PHLDB3: variants seen among roughly 807,000 people sequenced by gnomAD.
PHLDB3 encodes the protein pleckstrin homology-like domain family B member 3.
PHLDB3 carries 86 observed loss-of-function variants against 85.7 expected under a neutral mutation model. The ratio of observed to expected loss-of-function variants is 1.00; its 90% CI spans 0.84 to 1.20. PHLDB3 has a LOEUF of 1.20. PHLDB3 is among the 50% of genes most tolerant of loss of function. The pLI, the probability that PHLDB3 is intolerant of heterozygous loss-of-function variation, is 0.00. For synonymous variants in PHLDB3, 376 were observed against 349.8 expected (o/e 1.07, Z -0.83); for missense variants, 995 against 873.0 (o/e 1.14, Z -1.76).
chr19:43,501,481 G>A lies in PHLDB3; in HGVS notation c.534+253C>T, dbSNP rs1490085523. On this transcript the variant is annotated intron_variant, in intron 4 of 15. Coordinates refer to ENST00000292140, the MANE Select transcript of PHLDB3 (RefSeq NM_198850.4). The stretch of plus-strand genomic sequence containing the variant: ...ATTACAGGCGTGAGCCACTGCTTCC[G>A]GCCAGTTTGGAAGTTTTTACACACC... 7 of 644,968 alleles carry A rather than the reference G, an allele frequency of 1.1e-5. No individual in the cohort carries two copies. In the South Asian group the frequency reaches 1.2e-4, roughly 11 times the overall value. The allele number at this position is 644,968 out of a possible 1,614,324, so 40.0% of individuals were successfully genotyped here. A position where few individuals can be genotyped will look rare whatever the true frequency, so the allele number is the denominator to read the frequency against.
chr19:43,482,873 A>G (rs1325310521), intron 13 of PHLDB3, among the ~76,000 whole-genome samples: 1 of 152,134 alleles, frequency 6.6e-6, no homozygotes, highest in Non-Finnish European at 1.5e-5. Flanking sequence ...GCTTATGCCT[A>G]ACAATGCAGA....
chr19:43,482,410 A>C (rs1224227360), intron 13 of PHLDB3, among the ~76,000 whole-genome samples: 6 of 152,150 alleles, frequency 3.9e-5, no homozygotes, highest in Non-Finnish European at 8.8e-5. Flanking sequence ...CCAGGGACAC[A>C]CTTGCTCACG....
chr19:43,490,492 G>A lies in PHLDB3; in HGVS notation c.1150-3369C>T, dbSNP rs899208333. 2.6e-5 allele frequency among the ~76,000 whole-genome samples: 4 copies of A among 152,094 alleles called. No individual in the cohort carries two copies. The South Asian group carries it at 6.2e-4, about 24-fold the overall frequency. Reference sequence around the variant, plus strand: ...CGCTTGAGTCTGGGAGGTAGAGGCTGCAGTGAGCCAAGATCGCACCATTAC... The same window carrying A: ...CGCTTGAGTCTGGGAGGTAGAGGCTACAGTGAGCCAAGATCGCACCATTAC... On this transcript the variant is annotated intron_variant, in intron 9 of 15. Transcript: ENST00000292140.
rs1018090383 is a variant in PHLDB3 at position 43,504,580 on chromosome 19, C to A, written c.-15+9G>T. On this transcript the variant is annotated intron_variant, in intron 1 of 15. Coordinates refer to ENST00000292140, the MANE Select transcript of PHLDB3 (RefSeq NM_198850.4). Reference sequence around the variant, plus strand: ...ACTGTGCAGGGCAACCGTGCCCACGCCGCCTCACCCAGGGATCCAGGAGTC... The same window carrying A: ...ACTGTGCAGGGCAACCGTGCCCACGACGCCTCACCCAGGGATCCAGGAGTC... 4 of 162,890 alleles carry A rather than the reference C, an allele frequency of 2.5e-5. No homozygotes were observed. The Admixed American group carries it at 2.6e-4, about 10-fold the overall frequency. The allele number at this position is 162,890 out of a possible 1,614,324, so 10.1% of individuals were successfully genotyped here.
At chr19:43,487,553 C>T (rs1351237089) in intron 9 of PHLDB3, among the ~76,000 whole-genome samples, 1 of 87,382 alleles carries the variant, frequency 1.1e-5, no homozygotes, top group Admixed American at 1.3e-4. Context: ...CCAGCCTGGG[C>T]GACAGAGCAA....
intron 9 of PHLDB3, among the ~76,000 whole-genome samples, chr19:43,494,157 G>A (rs1971385489): frequency 6.6e-6 from 1 of 152,030 alleles, no homozygotes; most frequent in Non-Finnish European, 1.5e-5. Flanking sequence ...CCTCAGCCCT[G>A]CATCACCATG....
chr19:43,480,186 G>C (rs1971013954), intron 13 of PHLDB3, among the ~76,000 whole-genome samples: 1 of 149,488 alleles, frequency 6.7e-6, no homozygotes, highest in Admixed American at 6.8e-5. Context: ...CAGCTACTCA[G>C]GAGGCTGCGG....
At chr19:43,498,422 AG>A in intron 4 of PHLDB3, among the ~76,000 whole-genome samples, 1 of 150,952 alleles carries the variant, frequency 6.6e-6, no homozygotes. Flanking sequence ...GAAAGAAAAG[AG>A]GGAGGGAGGG....
In PHLDB3 at chr19:43,494,698, G is replaced by T. The variant is rs1295241361; in HGVS notation, c.1149+4C>A. ...TGGGGAAACAGAGGCCGTGGGGGAG[G>T]CACCTGCAGGGAGCTGTGGACAGAA... On this transcript the variant is annotated splice_donor_region_variant and intron_variant, in intron 9 of 15. Transcript: ENST00000292140. 1 of 1,603,712 alleles carries T rather than the reference G, an allele frequency of 6.2e-7. No homozygotes were observed. Among genetic ancestry groups the T allele is most frequent in the Non-Finnish European group, 8.5e-7 (1 of 1,172,856 alleles).
rs1399387425 is a variant in PHLDB3 at position 43,497,772 on chromosome 19, C to T, written c.639G>A (p.Glu213=). 6.4e-7 allele frequency: 1 copy of T among 1,553,052 alleles called. No homozygotes were observed. Among genetic ancestry groups the T allele is most frequent in the Non-Finnish European group, 8.7e-7 (1 of 1,147,778 alleles). The stretch of plus-strand genomic sequence containing the variant: ...CCTCCTGCACACCCTGCAGAAGCCG[C>T]TCGCGTTGGTCCTCTGGCTGTGAGT... The part of the protein sequence containing the change: ...QLDSQPEDQR[E]RLLQGVQEMR... The change falls in exon 5 of 16, where the codon GAG becomes GAA. Residue 213 remains glutamate, a synonymous_variant. Coordinates refer to ENST00000292140, the MANE Select transcript of PHLDB3 (RefSeq NM_198850.4).
chr19:43,494,416 G>C (rs1267461523), intron 9 of PHLDB3, among the ~76,000 whole-genome samples: 1 of 151,816 alleles, frequency 6.6e-6, no homozygotes, highest in Non-Finnish European at 1.5e-5. Context: ...GAGAAGGGGA[G>C]ACCTTATTAA....
chr19:43,487,618 CG>C (rs1488341238), intron 9 of PHLDB3, among the ~76,000 whole-genome samples: 1 of 132,590 alleles, frequency 7.5e-6, no homozygotes, highest in Non-Finnish European at 1.7e-5. Context: ...AAGAAATGTC[CG>C]GAACAGGCAA....
chr19:43,497,452 C>T lies in PHLDB3; in HGVS notation c.664-173G>A, dbSNP rs551451579. Among the ~76,000 whole-genome samples the T allele has an allele frequency of 5.9e-5, 9 of 152,216 alleles. No homozygotes were observed. In the East Asian group the frequency reaches 1.2e-3, roughly 20 times the overall value. On this transcript the variant is annotated intron_variant, in intron 5 of 15. Transcript: ENST00000292140. ...AGGGCCAGCTGGGCACAGTGGCTCA[C>T]GCCTGTAATCCCAGCACTTTGGGAG...
chr19:43,491,050 C>T (rs955761324), intron 9 of PHLDB3, among the ~76,000 whole-genome samples: 4 of 152,206 alleles, frequency 2.6e-5, no homozygotes, highest in South Asian at 4.1e-4. Flanking sequence ...GTACAGGGTG[C>T]ACCTGGGCTT....
chr19:43,481,338 G>A (rs2122473998), intron 13 of PHLDB3, among the ~76,000 whole-genome samples: 1 of 152,258 alleles, frequency 6.6e-6, no homozygotes, highest in Admixed American at 6.5e-5. Context: ...CAAAAATTAG[G>A]CTGGGCGTGG....
chr19:43,502,216 A>C lies in PHLDB3; in HGVS notation c.281T>G (p.Val94Gly), dbSNP rs1599964477. Residue 94 changes from valine to glycine, a missense_variant, in exon 3 of 16, where the codon GTG becomes GGG. Transcript: ENST00000292140. ...TTGCAGGCGCCGCGCCGCCCCTCGCACCCCTTCCCGCGAAGAGGTGGATGC... is the reference window on the plus strand; with the variant it reads ...TTGCAGGCGCCGCGCCGCCCCTCGCCCCCCTTCCCGCGAAGAGGTGGATGC... ...PPASTSSREG[V>G]RGAARRLQGQ... 6.4e-7 allele frequency: 1 copy of C among 1,564,484 alleles called. No individual in the cohort carries two copies. The highest frequency in any genetic ancestry group is 8.7e-7 in the Non-Finnish European group (1 of 1,155,526).
chr19:43,486,817 G>A lies in PHLDB3; in HGVS notation c.1303C>T (p.Pro435Ser). The change falls in exon 11 of 16, where the codon CCC (proline) becomes TCC (serine). Residue 435 changes from proline to serine, a missense_variant. By Grantham distance (74) the Pro-to-Ser change is moderately conservative. Transcript: ENST00000292140. ...PPAVGDSGRY[P>S]LYQLLNCGRG... ...CCACAGTTCAGCAGCTGGTAGAGGG[G>A]GTATCTGCCGGAGTCCCCCACTGCT... The A allele has an allele frequency of 6.3e-7, 1 of 1,589,634 alleles. No homozygotes were observed. The highest frequency in any genetic ancestry group is 1.1e-5 in the South Asian group (1 of 86,960).
At chr19:43,496,155 AC>A (rs2145936976) in intron 6 of PHLDB3, 1 of 153,370 alleles carries the variant, frequency 6.5e-6, no homozygotes, top group African/African-American at 2.4e-5. Flanking sequence ...AGCTGGGATT[AC>A]AGGCATGCGT....
intron 13 of PHLDB3, among the ~76,000 whole-genome samples, chr19:43,485,559 ATTT>A (rs754136421): frequency 7.5e-6 from 1 of 132,588 alleles, no homozygotes; most frequent in African/African-American, 2.8e-5. Context: ...TTTGGTTTTG[ATTT>A]TTTTTTTTTT....
Sources: allele counts gnomAD v4.1 joint callset (sites outside exome capture counted in the v4.1 genomes callset), GRCh38; gene constraint gnomAD v4.1.1; transcripts MANE v1.5; gene names NCBI Gene and HGNC (gene_info 2026-07-23, HGNC 2026-07-21).